The following HPSE2 variants were observed in gnomAD, a reference collection of about 807,000 sequenced individuals.
HPSE2 encodes the protein heparanase 2 (inactive).
In HPSE2, 38 loss-of-function variants were observed where a neutral mutation model predicts 60.5. The observed-to-expected ratio is 0.63, with a 90% CI of 0.48 to 0.82. The LOEUF is 0.82. Among genes scored for constraint, HPSE2 ranks in the 40% least tolerant of loss-of-function variants. The pLI is 0.00. For synonymous variants in HPSE2, 295 were observed against 293.2 expected (o/e 1.01, Z -0.06); for missense variants, 713 against 740.4 (o/e 0.96, Z 0.43).
At chr10:99,229,621 C>T (rs548356114) in intron 2 of HPSE2, among the ~76,000 whole-genome samples, 1 of 152,186 alleles carries the variant, frequency 6.6e-6, no homozygotes, top group East Asian at 1.9e-4. Context: ...AGCCCTGGGC[C>T]ACACATTCAT....
intron 11 of HPSE2, among the ~76,000 whole-genome samples, chr10:98,467,546 G>C (rs1940591335): frequency 6.6e-6 from 1 of 152,276 alleles, no homozygotes; most frequent in Non-Finnish European, 1.5e-5. Flanking sequence ...AAGTCCGACT[G>C]TGTGTTTGTA....
intron 3 of HPSE2, among the ~76,000 whole-genome samples, chr10:98,992,971 A>G (rs1433349445): frequency 6.6e-6 from 1 of 152,218 alleles, no homozygotes; most frequent in East Asian, 1.9e-4. Flanking sequence ...ACCAATATCC[A>G]GTTTCTAGTT....
chr10:98,911,399 C>T (rs1348593), intron 3 of HPSE2, among the ~76,000 whole-genome samples: 3,094 of 152,248 alleles, frequency 0.02, 48 homozygotes, highest in Non-Finnish European at 0.032. Context: ...GTTACTAATT[C>T]TGCTTGGGAA....
At position 99,186,104 on chromosome 10, in the gene HPSE2, CCACACACACACA is replaced by C. The variant is rs527839752; in HGVS notation, c.449-41717_449-41706del. Among the ~76,000 whole-genome samples the C allele has an allele frequency of 1.9e-3, 157 of 80,752 alleles. 2 individuals are homozygous for C. Among genetic ancestry groups the C allele is most frequent in the South Asian group, 0.011 (18 of 1,700 alleles). The allele number at this position is 80,752 out of a possible 152,430, so 53.0% of individuals were successfully genotyped here. On this transcript the variant is annotated intron_variant, in intron 2 of 11. Transcript: ENST00000370552. The stretch of plus-strand genomic sequence containing the variant: ...TGATAACACTAAGCAGGATAAATAA[CCACACACACACA>C]CACACACACACACACACACACACAC...
intron 3 of HPSE2, among the ~76,000 whole-genome samples, chr10:99,024,977 A>C (rs72838806): frequency 0.15 from 22,801 of 152,124 alleles, 2,372 homozygotes; most frequent in African/African-American, 0.29. Context: ...CACAGAAAGC[A>C]ATAAATAATC....
chr10:99,119,772 C>T (rs1278211938), intron 3 of HPSE2, among the ~76,000 whole-genome samples: 2 of 152,036 alleles, frequency 1.3e-5, no homozygotes, highest in African/African-American at 2.4e-5. Flanking sequence ...AACAGAATAG[C>T]GGGCCCAGAA....
intron 3 of HPSE2, 93 bp downstream of exon 3, chr10:99,144,145 T>G: frequency 8.7e-7 from 1 of 1,148,184 alleles, no homozygotes; most frequent in Non-Finnish European, 1.3e-6. Flanking sequence ...ATTTAAAAAG[T>G]GATATAGTGG....
chr10:99,016,567 A>T (rs1177004230), intron 3 of HPSE2, among the ~76,000 whole-genome samples: 2 of 152,134 alleles, frequency 1.3e-5, no homozygotes, highest in African/African-American at 4.8e-5. Context: ...TTCTGTGAAC[A>T]ATGTCAATGG....
At position 98,937,415 on chromosome 10, in the gene HPSE2, C is replaced by T. The variant is rs540201239; in HGVS notation, c.611-193359G>A. On this transcript the variant is annotated intron_variant, in intron 3 of 11. Transcript: ENST00000370552. ...GCGCTTTTCCGACAGGCTTAAAAAACGGCGCACCAGGAGATTATATCCCGC... is the reference window on the plus strand; with the variant it reads ...GCGCTTTTCCGACAGGCTTAAAAAATGGCGCACCAGGAGATTATATCCCGC... Among the ~76,000 whole-genome samples the T allele has an allele frequency of 6.2e-4, 90 of 144,564 alleles. 8 individuals carry two copies. Among genetic ancestry groups the T allele is most frequent in the Non-Finnish European group, 1.0e-3 (67 of 67,194 alleles). 94.8% of individuals were successfully genotyped at this position (144,564 alleles called of 152,430 possible). A position where few individuals can be genotyped will look rare whatever the true frequency, so the allele number is the denominator to read the frequency against.
chr10:99,182,016 C>G (rs575078679), intron 2 of HPSE2, among the ~76,000 whole-genome samples: 1 of 152,306 alleles, frequency 6.6e-6, no homozygotes, highest in East Asian at 1.9e-4. Context: ...TCAGAAGAAA[C>G]TAAACCTCCT....
intron 3 of HPSE2, among the ~76,000 whole-genome samples, chr10:98,937,476 G>A (rs1366108790): frequency 2.8e-5 from 4 of 144,030 alleles, no homozygotes; most frequent in Admixed American, 6.9e-5. Flanking sequence ...ACGGAGTCTC[G>A]CTGATTGCTA....
intron 3 of HPSE2, among the ~76,000 whole-genome samples, chr10:98,844,947 C>G (rs1952001087): frequency 6.6e-6 from 1 of 152,140 alleles, no homozygotes; most frequent in Non-Finnish European, 1.5e-5. Context: ...TATATCAAAT[C>G]AAGAATATTT....
At chr10:99,283,842 G>A in the HPSE2 span, among the ~76,000 whole-genome samples, 1 of 152,088 alleles carries the variant, frequency 6.6e-6, no homozygotes, top group East Asian at 1.9e-4. Context: ...AACAAGTAAG[G>A]AGATTGAAAC....
intron 4 of HPSE2, among the ~76,000 whole-genome samples, chr10:98,725,108 T>C (rs1181098912): frequency 2.0e-5 from 3 of 152,156 alleles, no homozygotes; most frequent in Non-Finnish European, 4.4e-5. Flanking sequence ...AAGCTACCAA[T>C]GACTTTCTTC....
At chr10:98,796,122 T>A (rs9804309) in intron 3 of HPSE2, among the ~76,000 whole-genome samples, 5,774 of 152,230 alleles carry the variant, frequency 0.038, 239 homozygotes, top group East Asian at 0.17. Context: ...GAAAGACTCC[T>A]TGTGTTTGAG....
rs57694497 is a variant in HPSE2, at chr10:98,657,212, C to CAA, written c.1005-15274_1005-15273dup. 1.4e-4 allele frequency among the ~76,000 whole-genome samples: 19 copies of CAA among 138,782 alleles called. 4 individuals carry two copies. The highest frequency in any genetic ancestry group is 2.0e-4 in the Non-Finnish European group (13 of 64,382). The allele number at this position is 138,782 out of a possible 152,430, so 91.0% of individuals were successfully genotyped here. A position where few individuals can be genotyped will look rare whatever the true frequency, so the allele number is the denominator to read the frequency against. ...AGAAGAGAGGTTGAGAGAAGCTGTG[C>CAA]AAAAAAAAAAAGCATTCAATAATTC... On this transcript the variant is annotated intron_variant, in intron 6 of 11. Transcript: ENST00000370552.
intron 3 of HPSE2, among the ~76,000 whole-genome samples, chr10:98,893,544 A>G (rs1013100289): frequency 6.6e-6 from 1 of 152,220 alleles, no homozygotes; most frequent in Non-Finnish European, 1.5e-5. Context: ...ATATTAAAAG[A>G]AAATGCCTGA....
chr10:99,195,092 A>T (rs1210781360), intron 2 of HPSE2, among the ~76,000 whole-genome samples: 1 of 152,170 alleles, frequency 6.6e-6, no homozygotes, highest in Non-Finnish European at 1.5e-5. Context: ...CAAATCAATC[A>T]GTATGATACA....
chr10:98,825,800 C>T (rs1011257841), intron 3 of HPSE2, among the ~76,000 whole-genome samples: 5 of 152,166 alleles, frequency 3.3e-5, no homozygotes, highest in Non-Finnish European at 7.3e-5. Context: ...AAAGAGAAGA[C>T]TTATATACAC....
Sources: gnomAD v4.1 joint callset for allele counts (sites outside exome capture counted in the v4.1 genomes callset) on GRCh38, gnomAD v4.1.1 for gene constraint, MANE v1.5 for transcripts, NCBI Gene and HGNC (gene_info 2026-07-23, HGNC 2026-07-21) for gene names.